The following ASIC2 variants were observed in gnomAD, a reference collection of about 807,000 sequenced individuals.
ASIC2 encodes acid sensing ion channel subunit 2.
A neutral mutation model predicts 57.3 loss-of-function variants in ASIC2; 25 were observed. The observed-to-expected ratio is 0.44, with a 90% confidence interval of 0.32 to 0.61. ASIC2 has a LOEUF of 0.61. ASIC2 is among the 20% of genes least tolerant of loss of function. ASIC2 has a pLI of 0.06. For synonymous variants in ASIC2, 319 were observed against 307.5 expected (o/e 1.04, Z -0.39); for missense variants, 641 against 738.1 (o/e 0.87, Z 1.52).
At chr17:33,273,091 G>C (rs1904571193) in intron 1 of ASIC2, among the ~76,000 whole-genome samples, 1 of 152,154 alleles carries the variant, frequency 6.6e-6, no homozygotes, top group Non-Finnish European at 1.5e-5. Context: ...TAGGAGAAGA[G>C]ATAGCTTTTA....
intron 1 of ASIC2, among the ~76,000 whole-genome samples, chr17:33,238,993 G>T (rs1467039108): frequency 6.6e-6 from 1 of 151,820 alleles, no homozygotes; most frequent in East Asian, 1.9e-4. Context: ...GACAGAGAGA[G>T]ACTCTGTCTC....
intron 1 of ASIC2, among the ~76,000 whole-genome samples, chr17:34,044,126 GCACGCACACA>G (rs1908244377): frequency 7.7e-5 from 4 of 51,730 alleles, no homozygotes; most frequent in African/African-American, 5.6e-4. Flanking sequence ...ACACACACAC[GCACGCACACA>G]CACACACACA....
chr17:33,268,647 G>C (rs1257975804), intron 1 of ASIC2, among the ~76,000 whole-genome samples: 1 of 152,128 alleles, frequency 6.6e-6, no homozygotes, highest in African/African-American at 2.4e-5. Flanking sequence ...CTTTGGAGGG[G>C]ATTTTTTTAA....
At chr17:33,472,906 A>C (rs1355762200) in intron 1 of ASIC2, among the ~76,000 whole-genome samples, 1 of 152,156 alleles carries the variant, frequency 6.6e-6, no homozygotes, top group Non-Finnish European at 1.5e-5. Flanking sequence ...AACTGTGGTA[A>C]TCTTGGCCTA....
intron 3 of ASIC2, among the ~76,000 whole-genome samples, chr17:33,083,914 G>T (rs1183296526): frequency 6.6e-6 from 1 of 152,122 alleles, no homozygotes; most frequent in Non-Finnish European, 1.5e-5. Context: ...TGAGGAAGGG[G>T]TACTACCAAG....
At chr17:33,907,126 A>G (rs1010431310) in intron 1 of ASIC2, among the ~76,000 whole-genome samples, 20 of 152,170 alleles carry the variant, frequency 1.3e-4, no homozygotes, top group Admixed American at 1.3e-3. Context: ...TCAACCCAAT[A>G]GGCCAGGCAT....
chr17:33,474,841 G>T (rs144853167), intron 1 of ASIC2, among the ~76,000 whole-genome samples: 120 of 152,272 alleles, frequency 7.9e-4, no homozygotes, highest in African/African-American at 2.8e-3. Flanking sequence ...ATATGGTTGC[G>T]TGTGACCTTA....
At chr17:33,829,475 G>A (rs971581044) in intron 1 of ASIC2, among the ~76,000 whole-genome samples, 7 of 152,204 alleles carry the variant, frequency 4.6e-5, no homozygotes, top group Admixed American at 3.9e-4. Context: ...GAAAGTGACA[G>A]CTGTGCAGAT....
intron 1 of ASIC2, among the ~76,000 whole-genome samples, chr17:33,717,535 T>G (rs1909260017): frequency 6.6e-6 from 1 of 152,214 alleles, no homozygotes; most frequent in African/African-American, 2.4e-5. Flanking sequence ...GGCTCTACTC[T>G]GGAAAGACCC....
At chr17:33,539,550 C>T (rs187964690) in intron 1 of ASIC2, among the ~76,000 whole-genome samples, 1 of 152,382 alleles carries the variant, frequency 6.6e-6, no homozygotes, top group Admixed American at 6.5e-5. Flanking sequence ...ACAACTTTAA[C>T]ATTCAATGCC....
rs191936042 is a variant in ASIC2 at position 34,141,148 on chromosome 17, G to A, written c.555+14830C>T. On this transcript the variant is annotated intron_variant, in intron 1 of 9. Transcript: ENST00000359872. ...TGAAGATCATTGTGCAAGATGACTG[G>A]CCTTGAATTATTAAAAAAAAAAAAT... Among the ~76,000 whole-genome samples the A allele has an allele frequency of 3.1e-3, 335 of 108,042 alleles. 7 individuals are homozygous for A. The Admixed American group carries it at 0.032, about 10-fold the overall frequency. 70.9% of individuals were successfully genotyped at this position (108,042 alleles called of 152,430 possible). A position where few individuals can be genotyped will look rare whatever the true frequency, so the allele number is the denominator to read the frequency against.
intron 1 of ASIC2, among the ~76,000 whole-genome samples, chr17:33,807,738 C>T (rs1337844881): frequency 2.0e-5 from 3 of 152,210 alleles, no homozygotes; most frequent in African/African-American, 7.2e-5. Context: ...TCATGTAACT[C>T]CCTCACTCAA....
intron 1 of ASIC2, chr17:33,935,725 C>T (rs1033736687): frequency 2.6e-5 from 4 of 152,154 alleles, no homozygotes; most frequent in Admixed American, 1.3e-4. Context: ...ACAGCAGAGA[C>T]GAGATTTGAA....
At chr17:33,505,725 G>A (rs937006173) in intron 1 of ASIC2, among the ~76,000 whole-genome samples, 1 of 152,142 alleles carries the variant, frequency 6.6e-6, no homozygotes, top group Non-Finnish European at 1.5e-5. Flanking sequence ...AGCACATCCC[G>A]ATCTCTCTGC....
At chr17:33,687,176 T>A (rs1255562577) in intron 1 of ASIC2, among the ~76,000 whole-genome samples, 4 of 152,182 alleles carry the variant, frequency 2.6e-5, no homozygotes, top group Admixed American at 2.6e-4. Flanking sequence ...CATCTAGAAC[T>A]GTACGAGGCA....
At chr17:33,030,117 A>G (rs1567721290) in intron 3 of ASIC2, among the ~76,000 whole-genome samples, 1 of 152,198 alleles carries the variant, frequency 6.6e-6, no homozygotes, top group Non-Finnish European at 1.5e-5. Flanking sequence ...ATTTTTTAAA[A>G]TCAACTTCAG....
chr17:33,049,170 G>A (rs16586), intron 3 of ASIC2, among the ~76,000 whole-genome samples: 127,746 of 152,206 alleles, frequency 0.84, 54,221 homozygotes, highest in East Asian at 0.95. Flanking sequence ...CCACAGATTT[G>A]CTGTTCAGAC....
intron 1 of ASIC2, among the ~76,000 whole-genome samples, chr17:33,739,187 T>C (rs990063324): frequency 5.9e-5 from 9 of 152,174 alleles, no homozygotes; most frequent in Admixed American, 2.6e-4. Context: ...ATATGACAAA[T>C]GAATAAATAG....
At chr17:33,154,783 T>A (rs1269438974) in intron 1 of ASIC2, among the ~76,000 whole-genome samples, 1 of 152,218 alleles carries the variant, frequency 6.6e-6, no homozygotes, top group East Asian at 1.9e-4. Flanking sequence ...ATTCAATGCC[T>A]ACCTTCCCAT....
Sources: gnomAD v4.1 joint callset for allele counts (sites outside exome capture counted in the v4.1 genomes callset) on GRCh38, gnomAD v4.1.1 for gene constraint, MANE v1.5 for transcripts, NCBI Gene and HGNC (gene_info 2026-07-23, HGNC 2026-07-21) for gene names.